FAM200B: variants seen among roughly 807,000 people sequenced by gnomAD.
FAM200B encodes the protein protein FAM200B.
A neutral mutation model predicts 33.1 loss-of-function variants in FAM200B; 32 were observed. The observed-to-expected ratio is 0.97, with a 90% CI of 0.73 to 1.30. The LOEUF (loss-of-function observed/expected upper bound fraction) is 1.30, where lower values mean the gene tolerates loss of function less well. FAM200B is among the 50% of genes most tolerant of loss of function. FAM200B has a pLI of 0.00. For synonymous variants in FAM200B, 240 were observed against 264.8 expected (o/e 0.91, Z 0.91); for missense variants, 741 against 754.0 (o/e 0.98, Z 0.20).
At chr4:15,685,335 G>T (rs1718736331) in intron 1 of FAM200B, among the ~76,000 whole-genome samples, 1 of 152,142 alleles carries the variant, frequency 6.6e-6, no homozygotes, top group South Asian at 2.1e-4. Context: ...GGAAGTACAA[G>T]GAAACTGCAG....
chr4:15,672,646 A>T, the FAM200B span, among the ~76,000 whole-genome samples: 12 of 152,348 alleles, frequency 7.9e-5, no homozygotes, highest in Middle Eastern at 3.4e-3. Context: ...TGTTCTGGGT[A>T]AGTCAGTGAG....
upstream of FAM200B, among the ~76,000 whole-genome samples, chr4:15,680,201 T>C (rs1718168677): frequency 1.3e-5 from 2 of 151,972 alleles, no homozygotes; most frequent in African/African-American, 4.8e-5. Flanking sequence ...TGCTTGTATC[T>C]CTGCATGAAG....
At chr4:15,638,534 T>C in the FAM200B span, 2 of 1,594,860 alleles carry the variant, frequency 1.3e-6, no homozygotes, top group East Asian at 4.5e-5. Context: ...ATCCACGGAA[T>C]ATTTAAAAAA....
intron 1 of FAM200B, among the ~76,000 whole-genome samples, chr4:15,683,970 C>G (rs1293067067): frequency 6.6e-6 from 1 of 152,170 alleles, no homozygotes; most frequent in Non-Finnish European, 1.5e-5. Context: ...TACCTAAAAC[C>G]ATATCATATA....
chr4:15,666,019 TTTTTA>T, the FAM200B span, among the ~76,000 whole-genome samples: 2 of 139,478 alleles, frequency 1.4e-5, no homozygotes, highest in Admixed American at 1.5e-4. Flanking sequence ...TGACAACCTT[TTTTTA>T]AAAAAAAAAA....
chr4:15,656,523 A>G, the FAM200B span, among the ~76,000 whole-genome samples: 1 of 152,236 alleles, frequency 6.6e-6, no homozygotes, highest in African/African-American at 2.4e-5. Context: ...GTCAACAAAT[A>G]ATGGAGTAGA....
the FAM200B span, among the ~76,000 whole-genome samples, chr4:15,671,556 G>A: frequency 7.7e-4 from 118 of 152,278 alleles, no homozygotes; most frequent in African/African-American, 2.7e-3. Flanking sequence ...TTACAGGCGT[G>A]AGCCACCACG....
At chr4:15,639,070 AGGAGAATCACTTGAACCT>A in the FAM200B span, among the ~76,000 whole-genome samples, 1 of 152,260 alleles carries the variant, frequency 6.6e-6, no homozygotes, top group African/African-American at 2.4e-5. Context: ...AGACTGAGGC[AGGAGAATCACTTGAACCT>A]GGGAGGCAGA....
At chr4:15,679,311 C>CA (rs1718112790), upstream of FAM200B, among the ~76,000 whole-genome samples, 1 of 152,118 alleles carries the variant, frequency 6.6e-6, no homozygotes, top group South Asian at 2.1e-4. Context: ...TTCGGCCTCT[C>CA]AAAGTGCTGG....
At chr4:15,653,988 TG>T in the FAM200B span, among the ~76,000 whole-genome samples, 1 of 152,228 alleles carries the variant, frequency 6.6e-6, no homozygotes, top group East Asian at 1.9e-4. Flanking sequence ...TTCCAACTCA[TG>T]TGAACTGGGT....
chr4:15,638,375 A>G, the FAM200B span: 1 of 494,282 alleles, frequency 2.0e-6, no homozygotes, highest in Non-Finnish European at 3.4e-6. Flanking sequence ...TTGATACATG[A>G]AAATAATGCC....
Position 15,688,233 on chromosome 4 carries a change from T to A in FAM200B, c.1256T>A (p.Ile419Asn). The A allele has an allele frequency of 6.4e-7, 1 of 1,550,550 alleles. No homozygotes were observed. ...GAAAAAAAATCTCATTTGGCAAGTA[T>A]TTTTGAAGATGATACTTGGGTAACA... ...LIEKKSHLAS[I>N]FEDDTWVTKL... is the part of the protein sequence containing the mutation. Residue 419 changes from isoleucine (I) to asparagine (N), a missense_variant, in exon 2 of 2, where the codon ATT becomes AAT. Coordinates refer to ENST00000422728, the MANE Select transcript of FAM200B (RefSeq NM_001145191.2).
At chr4:15,636,796 G>T in the FAM200B span, 1 of 677,204 alleles carries the variant, frequency 1.5e-6, no homozygotes, top group Non-Finnish European at 2.4e-6. Context: ...CTGCTTGCAA[G>T]ATGTGAAAAT....
the FAM200B span, among the ~76,000 whole-genome samples, chr4:15,660,076 CCT>C: frequency 1.3e-5 from 2 of 151,824 alleles, no homozygotes; most frequent in Admixed American, 1.3e-4. Context: ...CCTCCCTACC[CCT>C]GACATTTTTT....
At chr4:15,650,029 G>C in the FAM200B span, among the ~76,000 whole-genome samples, 1 of 152,234 alleles carries the variant, frequency 6.6e-6, no homozygotes, top group Admixed American at 6.5e-5. Context: ...TTGCTCTAAA[G>C]CAACAGCTCT....
Position 15,686,914 on chromosome 4 carries a change from T to C in FAM200B, c.-64T>C. 1.2e-6 allele frequency: 1 copy of C among 822,966 alleles called. No individual in the cohort carries two copies. Among genetic ancestry groups the C allele is most frequent in the Admixed American group, 3.6e-5 (1 of 27,752 alleles). The allele number at this position is 822,966 out of a possible 1,614,324, so 51.0% of individuals were successfully genotyped here. ...ATGTTATTTAGACTGTATATTTTTTTCTTCTTTTTTGAGTTAGTGCCAATT... is the reference window on the plus strand; with the variant it reads ...ATGTTATTTAGACTGTATATTTTTTCCTTCTTTTTTGAGTTAGTGCCAATT... On this transcript the variant is annotated 5_prime_UTR_variant, in exon 2 of 2. Transcript: ENST00000422728.
chr4:15,681,556 T>C (rs1402503146), upstream of FAM200B: 1 of 154,264 alleles, frequency 6.5e-6, no homozygotes, highest in Non-Finnish European at 1.5e-5. Flanking sequence ...CGGTGTCTCC[T>C]AGGGTTTCTT....
the FAM200B span, among the ~76,000 whole-genome samples, chr4:15,664,822 G>T: frequency 7.9e-5 from 12 of 151,920 alleles, no homozygotes; most frequent in Admixed American, 7.9e-4. Context: ...GCCTCCCAAA[G>T]TGCTGGGATT....
the FAM200B span, chr4:15,655,070 G>C: frequency 5.1e-6 from 3 of 589,162 alleles, no homozygotes; most frequent in Non-Finnish European, 7.0e-6. Context: ...GGCGCTGACA[G>C]CTGCGCAGGC....
Sources: gnomAD v4.1 joint callset for allele counts (sites outside exome capture counted in the v4.1 genomes callset) on GRCh38, gnomAD v4.1.1 for gene constraint, MANE v1.5 for transcripts, NCBI Gene and HGNC (gene_info 2026-07-23, HGNC 2026-07-21) for gene names.